PDZD2: variants seen among roughly 807,000 people sequenced by gnomAD.
PDZD2 encodes the protein PDZ domain containing 2, also known as PDZ domain-containing protein 2.
Under a neutral mutation model 220.7 loss-of-function variants are expected in PDZD2, and 90 were observed. The observed-to-expected ratio is 0.41, with a 90% CI of 0.34 to 0.49. PDZD2 has a LOEUF of 0.49. Ranked by LOEUF, PDZD2 falls within the 20% of genes least tolerant of loss-of-function variation. PDZD2 has a pLI of 0.28. For synonymous variants in PDZD2, 1,375 were observed against 1,450.5 expected (o/e 0.95, Z 1.18); for missense variants, 3,174 against 3,608.5 (o/e 0.88, Z 3.08).
intron 3 of PDZD2, among the ~76,000 whole-genome samples, chr5:31,989,180 T>G (rs1750978689): frequency 6.6e-6 from 1 of 152,160 alleles, no homozygotes; most frequent in African/African-American, 2.4e-5. Context: ...GATAGATAAT[T>G]TTTTAGCTCT....
chr5:31,801,228 G>T (rs1754371804), intron 2 of PDZD2, among the ~76,000 whole-genome samples: 1 of 152,168 alleles, frequency 6.6e-6, no homozygotes. Flanking sequence ...TATTTCCTTT[G>T]GTTTGCCCCT....
intron 21 of PDZD2, among the ~76,000 whole-genome samples, 183 bp downstream of exon 21, chr5:32,093,207 AAGC>A (rs1313466462): frequency 6.6e-6 from 1 of 152,146 alleles, no homozygotes. Flanking sequence ...CCAGCTTCAG[AAGC>A]TAGACCTTGT....
intron 2 of PDZD2, among the ~76,000 whole-genome samples, chr5:31,849,243 C>T (rs1040085040): frequency 6.6e-6 from 1 of 152,110 alleles, no homozygotes; most frequent in Non-Finnish European, 1.5e-5. Context: ...GTAATGATTA[C>T]GCACACCCTT....
chr5:31,703,560 T>C (rs919968162), intron 1 of PDZD2, among the ~76,000 whole-genome samples: 2 of 152,094 alleles, frequency 1.3e-5, no homozygotes, highest in Non-Finnish European at 2.9e-5. Flanking sequence ...GGTTGATGGG[T>C]GCAGCAAACC....
At chr5:31,812,944 C>T (rs1469787002) in intron 2 of PDZD2, among the ~76,000 whole-genome samples, 2 of 152,162 alleles carry the variant, frequency 1.3e-5, no homozygotes, top group Admixed American at 1.3e-4. Context: ...TAACACTTTT[C>T]TTCCTGCTAC....
intron 2 of PDZD2, chr5:31,936,155 G>C: frequency 1.2e-5 from 12 of 986,122 alleles, no homozygotes; most frequent in Non-Finnish European, 1.4e-5. Flanking sequence ...CAGCTCCACA[G>C]AGCATGGGGA....
chr5:31,821,040 C>A (rs1027105585), intron 2 of PDZD2, among the ~76,000 whole-genome samples: 1 of 151,678 alleles, frequency 6.6e-6, no homozygotes, highest in Non-Finnish European at 1.5e-5. Context: ...AGATCTTAAT[C>A]TTTTTACCCC....
intron 1 of PDZD2, among the ~76,000 whole-genome samples, chr5:31,664,340 A>G (rs965178493): frequency 4.6e-5 from 7 of 152,078 alleles, no homozygotes; most frequent in African/African-American, 1.7e-4. Flanking sequence ...ATAACAAAAA[A>G]TCATTTCTCT....
At position 32,077,584 on chromosome 5, in the gene PDZD2, G is replaced by A. The variant is rs1333940474; in HGVS notation, c.3660G>A (p.Glu1220=). The change falls in exon 19 of 25, where the codon GAG becomes GAA. Residue 1220 remains glutamate, a synonymous_variant. Transcript: ENST00000438447. The part of the protein sequence containing the change: ...LTENLPKAAS[E]LGQQPMTELD... ...AGAACCTGCCCAAAGCTGCATCAGA[G>A]CTGGGGCAACAACCCATGACTGGTA... is the stretch of plus-strand genomic sequence containing the variant. 1 of 1,614,020 alleles carries A rather than the reference G, an allele frequency of 6.2e-7. No individual in the cohort carries two copies. The highest frequency in any genetic ancestry group is 2.2e-5 in the East Asian group (1 of 44,894).
At chr5:31,692,331 C>T (rs1747177374) in intron 1 of PDZD2, among the ~76,000 whole-genome samples, 2 of 152,240 alleles carry the variant, frequency 1.3e-5, no homozygotes, top group South Asian at 4.1e-4. Flanking sequence ...GCCCCGGTTC[C>T]CGCCCGCGCC....
At chr5:31,927,693 C>A (rs1744920750) in intron 2 of PDZD2, among the ~76,000 whole-genome samples, 2 of 152,078 alleles carry the variant, frequency 1.3e-5, no homozygotes, top group Admixed American at 6.6e-5. Context: ...CCTCCTGCTA[C>A]TTTGAAGTTA....
intron 2 of PDZD2, among the ~76,000 whole-genome samples, chr5:31,869,317 C>T (rs1242639092): frequency 2.6e-5 from 4 of 152,176 alleles, no homozygotes; most frequent in South Asian, 2.1e-4. Context: ...CTTCCTGACT[C>T]ACTGTCCCTG....
At chr5:31,981,868 G>A (rs1053722440) in intron 2 of PDZD2, among the ~76,000 whole-genome samples, 9 of 152,132 alleles carry the variant, frequency 5.9e-5, no homozygotes, top group African/African-American at 2.2e-4. Context: ...AAGCTTTGAT[G>A]ATCCGGTCCC....
At chr5:32,062,837 G>A (rs1739818492) in intron 14 of PDZD2, among the ~76,000 whole-genome samples, 1 of 151,964 alleles carries the variant, frequency 6.6e-6, no homozygotes, top group Non-Finnish European at 1.5e-5. Flanking sequence ...TCCAATACTG[G>A]TTTTGCTTGT....
At position 32,098,671 on chromosome 5, in the gene PDZD2, C is replaced by T. The variant is rs1743966572; in HGVS notation, c.8218+37C>T. The stretch of plus-strand genomic sequence containing the variant: ...ATTTCAACAACCAGCAGGCTGTGAG[C>T]TACTGCAGAAAGAGGAGATTCTGGT... On this transcript the variant is annotated intron_variant, in intron 23 of 24. Transcript: ENST00000438447. This position sits in a 1 kb window ranked among gnomAD's most constrained non-coding sequence, Gnocchi z 4.1. 1 of 1,572,950 alleles carries T rather than the reference C, an allele frequency of 6.4e-7. No individual in the cohort carries two copies. The highest frequency in any genetic ancestry group is 1.4e-5 in the African/African-American group (1 of 73,770).
At chr5:31,911,487 C>T (rs545777437) in intron 2 of PDZD2, among the ~76,000 whole-genome samples, 15 of 152,334 alleles carry the variant, frequency 9.8e-5, no homozygotes, top group African/African-American at 3.4e-4. Flanking sequence ...ACTTGGAGCA[C>T]GTGGCCACTG....
Position 32,037,237 on chromosome 5 carries a change from G to C in PDZD2, c.1414G>C (p.Gly472Arg). The C allele has an allele frequency of 6.2e-7, 1 of 1,610,516 alleles. No homozygotes were observed. Among genetic ancestry groups the C allele is most frequent in the Non-Finnish European group, 8.5e-7 (1 of 1,176,682 alleles). ...TSSSVQRAMPGTDEPQDVCGA... is the reference protein window; with the variant it reads ...TSSSVQRAMPRTDEPQDVCGA... ...TGTGCTTTCTGCATTTCAGATGCCT[G>C]GGACAGATGAACCCCAAGATGTGTG... Residue 472 changes from glycine (G) to arginine (R), a missense_variant, in exon 7 of 25, where the codon GGG (glycine) becomes CGG (arginine). Gly to Arg is a moderately radical substitution (Grantham distance 125). This residue lies in a region of PDZD2 where 632 missense variants were observed against 708.1 expected (regional missense o/e 0.89). Transcript: ENST00000438447.
intron 6 of PDZD2, among the ~76,000 whole-genome samples, chr5:32,016,034 G>A (rs181915676): frequency 1.3e-5 from 2 of 152,184 alleles, no homozygotes; most frequent in South Asian, 2.1e-4. Flanking sequence ...ACTTTTGGGC[G>A]ATTCAGGTTT....
intron 1 of PDZD2, among the ~76,000 whole-genome samples, chr5:31,750,218 G>A (rs1750863651): frequency 6.6e-6 from 1 of 152,076 alleles, no homozygotes; most frequent in Admixed American, 6.5e-5. Flanking sequence ...TTCTCCACTT[G>A]AGAAAGTCCT....
Sources: gnomAD v4.1 joint callset for allele counts (sites outside exome capture counted in the v4.1 genomes callset) on GRCh38, gnomAD v4.1.1 for gene constraint, gnomAD v4.1.1 regional missense constraint, Gnocchi (gnomAD v3.1) non-coding constraint, MANE v1.5 for transcripts, NCBI Gene and HGNC (gene_info 2026-07-23, HGNC 2026-07-21) for gene names.